The following MOB3B variants were observed in gnomAD, a reference collection of about 807,000 sequenced individuals.
MOB3B encodes MOB kinase activator-like 2B.
Under a neutral mutation model 18.7 loss-of-function variants are expected in MOB3B, and 7 were observed. That is an observed-to-expected ratio of 0.37 (90% CI 0.21 to 0.70). The LOEUF is 0.70. Ranked by LOEUF, MOB3B falls within the 30% of genes least tolerant of loss-of-function variation. The pLI is 0.52. For synonymous variants in MOB3B, 111 were observed against 99.9 expected, an observed-to-expected ratio of 1.11 and a Z score of -0.66; for missense variants, 253 against 281.3, an observed-to-expected ratio of 0.90 and a Z score of 0.72.
chr9:27,379,703 A>G (rs1387457990), intron 2 of MOB3B, among the ~76,000 whole-genome samples: 1 of 152,164 alleles, frequency 6.6e-6, no homozygotes, highest in African/African-American at 2.4e-5. Flanking sequence ...TAATCTCCCA[A>G]ATAAAAACTA....
At chr9:27,334,376 A>G (rs935593183) in intron 3 of MOB3B, among the ~76,000 whole-genome samples, 2 of 152,228 alleles carry the variant, frequency 1.3e-5, no homozygotes, top group Non-Finnish European at 2.9e-5. Context: ...TTAAAAAACA[A>G]AAAGGAAAGT....
intron 2 of MOB3B, among the ~76,000 whole-genome samples, chr9:27,390,757 G>C (rs951421743): frequency 2.0e-5 from 3 of 152,170 alleles, no homozygotes; most frequent in African/African-American, 7.2e-5. Flanking sequence ...CCCAAAATTT[G>C]TATGTTGAAA....
At chr9:27,490,989 T>C (rs1819808517) in intron 1 of MOB3B, among the ~76,000 whole-genome samples, 1 of 151,932 alleles carries the variant, frequency 6.6e-6, no homozygotes, top group African/African-American at 2.4e-5. Flanking sequence ...CTTTTTTTTT[T>C]TTAATTCAGA....
chr9:27,329,180 T>G lies in MOB3B; in HGVS notation c.*1407A>C, dbSNP rs1587134264. 6.6e-6 allele frequency: 1 copy of G among 152,204 alleles called. No individual in the cohort carries two copies. The highest frequency in any genetic ancestry group is 2.4e-5 in the African/African-American group (1 of 41,456). 9.4% of individuals were successfully genotyped at this position (152,204 alleles called of 1,614,324 possible). On this transcript the variant is annotated 3_prime_UTR_variant, in exon 4 of 4. Coordinates refer to ENST00000262244, the MANE Select transcript of MOB3B (RefSeq NM_024761.5). ...TATTACTTTAAAATACACTAATACATTCTTATCTACTTCCCTCCACCGACA... is the reference window on the plus strand; with the variant it reads ...TATTACTTTAAAATACACTAATACAGTCTTATCTACTTCCCTCCACCGACA...
chr9:27,437,981 T>A (rs62541576), intron 2 of MOB3B, among the ~76,000 whole-genome samples: 1 of 152,086 alleles, frequency 6.6e-6, no homozygotes, highest in African/African-American at 2.4e-5. Context: ...CTGGACTAGA[T>A]GAAAAGGGGC....
At chr9:27,477,714 T>C (rs1261225176) in intron 1 of MOB3B, among the ~76,000 whole-genome samples, 2 of 152,222 alleles carry the variant, frequency 1.3e-5, no homozygotes, top group African/African-American at 4.8e-5. Context: ...CTGTAAGACA[T>C]AACTGTTCTT....
chr9:27,483,233 C>T (rs1819688692), intron 1 of MOB3B, among the ~76,000 whole-genome samples: 2 of 145,890 alleles, frequency 1.4e-5, no homozygotes, highest in African/African-American at 5.0e-5. Context: ...CCCGGGTTCA[C>T]GCCATTCTCC....
chr9:27,525,357 G>A (rs1281277067), intron 1 of MOB3B, among the ~76,000 whole-genome samples: 3 of 152,116 alleles, frequency 2.0e-5, no homozygotes, highest in African/African-American at 7.2e-5. Flanking sequence ...CTGTTTTGCT[G>A]CCAAGGTTGC....
chr9:27,440,838 GTGGGTAAATACCA>G (rs1389509138), intron 2 of MOB3B, among the ~76,000 whole-genome samples: 1 of 152,080 alleles, frequency 6.6e-6, no homozygotes, highest in African/African-American at 2.4e-5. Context: ...ATCAGTACTG[GTGGGTAAATACCA>G]TAAAGCAGCG....
At chr9:27,355,991 T>C (rs901830998) in intron 3 of MOB3B, among the ~76,000 whole-genome samples, 2 of 152,196 alleles carry the variant, frequency 1.3e-5, no homozygotes, top group African/African-American at 4.8e-5. Context: ...ACTGTTGAAA[T>C]GGTCATTTCG....
intron 2 of MOB3B, among the ~76,000 whole-genome samples, chr9:27,452,203 C>CCCAT (rs1563872170): frequency 2.7e-5 from 4 of 149,348 alleles, no homozygotes; most frequent in African/African-American, 1.0e-4. Context: ...CATCCACCCA[C>CCCAT]CCGTCCATCC....
intron 3 of MOB3B, among the ~76,000 whole-genome samples, chr9:27,356,989 C>T (rs1030852012): frequency 2.0e-5 from 3 of 150,632 alleles, no homozygotes; most frequent in African/African-American, 4.9e-5. Context: ...TCGGTTCCTG[C>T]CCCTGAGAGC....
At chr9:27,341,983 A>G (rs368859092) in intron 3 of MOB3B, among the ~76,000 whole-genome samples, 2 of 152,144 alleles carry the variant, frequency 1.3e-5, no homozygotes, top group East Asian at 3.9e-4. Flanking sequence ...ATAGTTGAAA[A>G]AAGAAAGAAT....
chr9:27,340,273 C>G (rs1166030714), intron 3 of MOB3B, among the ~76,000 whole-genome samples: 1 of 152,220 alleles, frequency 6.6e-6, no homozygotes, highest in Non-Finnish European at 1.5e-5. Flanking sequence ...GATAAACACA[C>G]ACACTCGCCA....
intron 2 of MOB3B, among the ~76,000 whole-genome samples, chr9:27,395,413 A>G (rs1821784374): frequency 6.6e-6 from 1 of 152,176 alleles, no homozygotes; most frequent in African/African-American, 2.4e-5. Flanking sequence ...CCATAAATAC[A>G]TATAATTTTT....
At chr9:27,479,083 CT>C (rs766440712) in intron 1 of MOB3B, among the ~76,000 whole-genome samples, 7 of 152,102 alleles carry the variant, frequency 4.6e-5, no homozygotes, top group Non-Finnish European at 1.0e-4. Flanking sequence ...GTATTTTAAC[CT>C]GTTTTACGCT....
At chr9:27,477,505 T>G (rs1819572501) in intron 1 of MOB3B, among the ~76,000 whole-genome samples, 1 of 152,232 alleles carries the variant, frequency 6.6e-6, no homozygotes, top group Non-Finnish European at 1.5e-5. Context: ...GAATGTAAAC[T>G]ATACAGGAGC....
chr9:27,428,998 T>A (rs1822379890), intron 2 of MOB3B, among the ~76,000 whole-genome samples: 1 of 152,246 alleles, frequency 6.6e-6, no homozygotes, highest in African/African-American at 2.4e-5. Context: ...GACATTCTGA[T>A]CACCCTCAAA....
At chr9:27,492,182 A>G (rs2764333) in intron 1 of MOB3B, among the ~76,000 whole-genome samples, 141,948 of 152,202 alleles carry the variant, frequency 0.93, 66,786 homozygotes, top group East Asian at 1. Context: ...ATATGAGCCA[A>G]TTTGTGGATG....
Sources: gnomAD v4.1 joint callset for allele counts (sites outside exome capture counted in the v4.1 genomes callset) on GRCh38, gnomAD v4.1.1 for gene constraint, MANE v1.5 for transcripts, NCBI Gene and HGNC (gene_info 2026-07-23, HGNC 2026-07-21) for gene names.